SMC3: variants seen among roughly 807,000 people sequenced by gnomAD.
The protein encoded by SMC3 is structural maintenance of chromosomes 3, also known as structural maintenance of chromosomes protein 3.
In SMC3, 20 loss-of-function variants were observed where a neutral mutation model predicts 171.8. That is an observed-to-expected ratio of 0.12 (90% CI 0.08 to 0.17). SMC3 has a LOEUF of 0.17. SMC3 is among the 10% of genes least tolerant of loss of function. SMC3 has a pLI of 1.00. For missense variants in SMC3, 543 were observed against 1,420.4 expected, an observed-to-expected ratio of 0.38 and a Z score of 9.93; for synonymous variants, 464 against 451.1, an observed-to-expected ratio of 1.03 and a Z score of -0.36.
At chr10:110,577,752 G>T (rs1352027496) in intron 5 of SMC3, 83 bp from the exon 6 acceptor site, 2 of 898,730 alleles carry the variant, frequency 2.2e-6, no homozygotes, top group Non-Finnish European at 3.6e-6. Context: ...AATACTTATG[G>T]GCAAGGACTT....
chr10:110,584,439 G>T lies in SMC3; in HGVS notation c.1305+43G>T, dbSNP rs201177636. 10 of 1,401,486 alleles carry T rather than the reference G, an allele frequency of 7.1e-6. No homozygotes were observed. In the East Asian group the frequency reaches 2.3e-4, roughly 32 times the overall value. The allele number at this position is 1,401,486 out of a possible 1,614,324, so 86.8% of individuals were successfully genotyped here. On this transcript the variant is annotated intron_variant, in intron 13 of 28. Coordinates refer to ENST00000361804, the MANE Select transcript of SMC3 (RefSeq NM_005445.4). ...TGCTTTGTAAAAATCTTTCAGAAGAGATAAATGTGTTTAGTTTTATCTACT... is the reference window on the plus strand; with the variant it reads ...TGCTTTGTAAAAATCTTTCAGAAGATATAAATGTGTTTAGTTTTATCTACT...
At position 110,568,195 on chromosome 10, in the gene SMC3, T is replaced by C. The variant is rs1860806675; in HGVS notation, c.15+364T>C. ...GGGCGGCCGCGGGCGGGAAGGGCTG[T>C]GTGGTCCTGCAGGGGTGGCCTCACA... On this transcript the variant is annotated intron_variant, in intron 1 of 28. Transcript: ENST00000361804. 3 of 400,120 alleles carry C rather than the reference T, an allele frequency of 7.5e-6. No homozygotes were observed. In the South Asian group the frequency reaches 8.4e-5, roughly 11 times the overall value. 24.8% of individuals were successfully genotyped at this position (400,120 alleles called of 1,614,324 possible).
intron 20 of SMC3, 149 bp downstream of exon 20, chr10:110,598,439 C>G: frequency 1.2e-6 from 1 of 803,270 alleles, no homozygotes; most frequent in Non-Finnish European, 2.0e-6. Context: ...GAGTCTCTTT[C>G]TGTCTCACCC....
intron 13 of SMC3, among the ~76,000 whole-genome samples, chr10:110,584,728 G>T (rs971126904): frequency 2.6e-5 from 4 of 152,124 alleles, no homozygotes; most frequent in African/African-American, 9.7e-5. Context: ...CAGGCTCAGC[G>T]ATCCTCCATC....
At chr10:110,581,807 A>G in intron 8 of SMC3, 116 bp from the exon 9 acceptor site, 3 of 1,020,394 alleles carry the variant, frequency 2.9e-6, no homozygotes. Context: ...ACCACATCAC[A>G]TCAAAGAAAT....
In SMC3 at chr10:110,593,300, A is replaced by G. The variant is rs569408693; in HGVS notation, c.1963+77A>G. ...TAAAACATATAATCTGGCTGGGCGC[A>G]GTGGCTCATGCCTGTAATCCCAGCA... is the stretch of plus-strand genomic sequence containing the variant. On this transcript the variant is annotated intron_variant, in intron 18 of 28. Coordinates refer to ENST00000361804, the MANE Select transcript of SMC3 (RefSeq NM_005445.4). The G allele has an allele frequency of 7.9e-5, 114 of 1,450,578 alleles. No homozygotes were observed. In the Middle Eastern group the frequency reaches 2.8e-3, roughly 35 times the overall value. The allele number at this position is 1,450,578 out of a possible 1,614,324, so 89.9% of individuals were successfully genotyped here. A position where few individuals can be genotyped will look rare whatever the true frequency, so the allele number is the denominator to read the frequency against.
In SMC3 at chr10:110,605,335, A is replaced by G. The variant is rs1454787967; in HGVS notation, c.*1033A>G. Among the ~76,000 whole-genome samples, 1 of 152,046 alleles carries G rather than the reference A, an allele frequency of 6.6e-6. No homozygotes were observed. On this transcript the variant is annotated 3_prime_UTR_variant, in exon 29 of 29. Transcript: ENST00000361804. The stretch of plus-strand genomic sequence containing the variant: ...CAATAGTCCTCGTAGCTTTTTGTAG[A>G]TTCTTTGAGATTTTCTACATAGACA...
chr10:110,588,318 C>T (rs890375325), intron 13 of SMC3, among the ~76,000 whole-genome samples: 13 of 152,140 alleles, frequency 8.5e-5, no homozygotes, highest in Non-Finnish European at 1.0e-4. Flanking sequence ...TCAGTAGTAA[C>T]ATTGACTTTT....
At chr10:110,577,773 T>G (rs972210892) in intron 5 of SMC3, 62 bp from the exon 6 acceptor site, 4 of 1,132,460 alleles carry the variant, frequency 3.5e-6, no homozygotes, top group Non-Finnish European at 5.3e-6. Flanking sequence ...TAAAATGACC[T>G]TATTTAAAAA....
At chr10:110,577,353 T>C (rs1860967674) in intron 4 of SMC3, 68 bp from the exon 5 acceptor site, 2 of 1,225,286 alleles carry the variant, frequency 1.6e-6, no homozygotes, top group Admixed American at 3.4e-5. Context: ...GCCCTAGACT[T>C]TAAGAATCCT....
At chr10:110,599,581 G>C in intron 20 of SMC3, 73 bp from the exon 21 acceptor site, 1 of 1,369,580 alleles carries the variant, frequency 7.3e-7, no homozygotes, top group Non-Finnish European at 1.0e-6. Context: ...ATCAAATATA[G>C]ATTGTTTTAA....
At chr10:110,602,420 G>A (rs984598426) in intron 25 of SMC3, 54 bp from the exon 26 acceptor site, 11 of 1,374,750 alleles carry the variant, frequency 8.0e-6, no homozygotes, top group African/African-American at 1.4e-5. Context: ...TTTTACTTAA[G>A]TGTTATATAT....
At position 110,604,733 on chromosome 10, in the gene SMC3, T is replaced by TA. The variant is rs201410268; in HGVS notation, c.*435dup. 648 of 174,718 alleles carry TA rather than the reference T, an allele frequency of 3.7e-3. 5 individuals carry two copies. Among genetic ancestry groups the TA allele is most frequent in the African/African-American group, 0.015 (618 of 41,726 alleles). 10.8% of individuals were successfully genotyped at this position (174,718 alleles called of 1,614,324 possible). A position where few individuals can be genotyped will look rare whatever the true frequency, so the allele number is the denominator to read the frequency against. On this transcript the variant is annotated 3_prime_UTR_variant, in exon 29 of 29. Coordinates refer to ENST00000361804, the MANE Select transcript of SMC3 (RefSeq NM_005445.4). Reference sequence around the variant, plus strand: ...CCTCATTTTAACTTAATCACCTCTTTAAAAGACCTGTCTCCAAATACAGTT... The same window carrying TA: ...CCTCATTTTAACTTAATCACCTCTTTAAAAAGACCTGTCTCCAAATACAGTT...
intron 8 of SMC3, among the ~76,000 whole-genome samples, chr10:110,581,637 C>T (rs189744012): frequency 1.3e-5 from 2 of 152,136 alleles, no homozygotes; most frequent in South Asian, 2.1e-4. Flanking sequence ...GATCTTAACC[C>T]ATTTATGCCT....
At chr10:110,586,720 C>T (rs1029760183) in intron 13 of SMC3, among the ~76,000 whole-genome samples, 6 of 152,082 alleles carry the variant, frequency 3.9e-5, no homozygotes, top group African/African-American at 7.2e-5. Context: ...TGCAATGGTG[C>T]GATCTTGGCT....
chr10:110,595,203 C>T (rs1469867007), intron 18 of SMC3, among the ~76,000 whole-genome samples: 2 of 152,096 alleles, frequency 1.3e-5, no homozygotes, highest in African/African-American at 2.4e-5. Flanking sequence ...TGGTCTCGAA[C>T]TCCTGACCTC....
At chr10:110,600,182 C>T (rs555645313) in intron 21 of SMC3, among the ~76,000 whole-genome samples, 2 of 152,258 alleles carry the variant, frequency 1.3e-5, no homozygotes, top group South Asian at 4.1e-4. Flanking sequence ...ACTACCAACA[C>T]CGATTCTAAA....
intron 18 of SMC3, among the ~76,000 whole-genome samples, chr10:110,595,951 A>G (rs1347146157): frequency 8.1e-6 from 1 of 123,156 alleles, no homozygotes; most frequent in Non-Finnish European, 1.6e-5. Context: ...AAGACTGCAA[A>G]TTTTGGCTGG....
intron 15 of SMC3, 139 bp from the exon 16 acceptor site, chr10:110,590,273 A>G: frequency 2.7e-6 from 2 of 752,742 alleles, no homozygotes; most frequent in Non-Finnish European, 4.6e-6. Context: ...TATTGTGAGG[A>G]GGTGATGTGT....
Sources: gnomAD v4.1 joint callset for allele counts (sites outside exome capture counted in the v4.1 genomes callset) on GRCh38, gnomAD v4.1.1 for gene constraint, MANE v1.5 for transcripts, NCBI Gene and HGNC (gene_info 2026-07-23, HGNC 2026-07-21) for gene names.